The following ZMYM4 variants were observed in gnomAD, a reference collection of about 807,000 sequenced individuals.
The protein encoded by ZMYM4 is zinc finger MYM-type containing 4, also known as zinc finger MYM-type protein 4.
ZMYM4 carries 31 observed loss-of-function variants against 183.2 expected under a neutral mutation model. The ratio of observed to expected loss-of-function variants is 0.17; its 90% CI spans 0.13 to 0.23. The LOEUF is 0.23. ZMYM4 is among the 10% of genes least tolerant of loss of function. The pLI, the probability that ZMYM4 is intolerant of heterozygous loss-of-function variation, is 1.00. For missense variants in ZMYM4, 1,273 were observed against 1,840.3 expected, an observed-to-expected ratio of 0.69 and a Z score of 5.64; for synonymous variants, 592 against 631.2, an observed-to-expected ratio of 0.94 and a Z score of 0.93.
chr1:35,276,058 C>T (rs1469957138), intron 1 of ZMYM4, among the ~76,000 whole-genome samples: 1 of 151,948 alleles, frequency 6.6e-6, no homozygotes, highest in Non-Finnish European at 1.5e-5. Context: ...TTGGTCTATC[C>T]AGCGTATAGA....
intron 13 of ZMYM4, 66 bp from the exon 14 acceptor site, chr1:35,388,844 G>A: frequency 6.7e-7 from 1 of 1,494,924 alleles, no homozygotes; most frequent in Non-Finnish European, 9.3e-7. Context: ...CCTGTCCTAG[G>A]CCATTTAAAG....
intron 1 of ZMYM4, among the ~76,000 whole-genome samples, chr1:35,275,742 T>C (rs1336566535): frequency 3.9e-5 from 6 of 152,196 alleles, no homozygotes; most frequent in Non-Finnish European, 1.5e-5. Flanking sequence ...ATAAATGTAC[T>C]GTATTCAACC....
At chr1:35,399,124 T>G in intron 22 of ZMYM4, 81 bp downstream of exon 22, 1 of 1,359,232 alleles carries the variant, frequency 7.4e-7, no homozygotes. Context: ...TATTAAGCAG[T>G]GCCAATTGTT....
chr1:35,277,697 CTCA>C (rs1639940839), intron 1 of ZMYM4, among the ~76,000 whole-genome samples: 1 of 152,036 alleles, frequency 6.6e-6, no homozygotes, highest in Non-Finnish European at 1.5e-5. Flanking sequence ...AAAGAATTCC[CTCA>C]TCAATTATTT....
chr1:35,393,630 T>C lies in ZMYM4; in HGVS notation c.2802T>C (p.Pro934=), dbSNP rs1644750371. 3 of 1,611,196 alleles carry C rather than the reference T, an allele frequency of 1.9e-6. No homozygotes were observed. Among genetic ancestry groups the C allele is most frequent in the Non-Finnish European group, 2.5e-6 (3 of 1,178,208 alleles). Residue 934 remains proline (P), a synonymous_variant, in exon 18 of 30, where the codon CCT becomes CCC. Transcript: ENST00000314607. ...STQTDALKLP[P]SQPPRLLKNK... Reference sequence around the variant, plus strand: ...AAACAGATGCCCTGAAACTGCCACCTTCCCAACCTCCAAGGCTTTTGAAGA... The same window carrying C: ...AAACAGATGCCCTGAAACTGCCACCCTCCCAACCTCCAAGGCTTTTGAAGA...
intron 26 of ZMYM4, among the ~76,000 whole-genome samples, chr1:35,408,780 A>G (rs1228972835): frequency 6.6e-6 from 1 of 152,216 alleles, no homozygotes; most frequent in Non-Finnish European, 1.5e-5. Context: ...TGTGATTGTT[A>G]TGGGAAAATA....
At chr1:35,301,433 C>A (rs1458288806) in intron 1 of ZMYM4, among the ~76,000 whole-genome samples, 2 of 151,804 alleles carry the variant, frequency 1.3e-5, no homozygotes, top group Non-Finnish European at 2.9e-5. Flanking sequence ...GTAGTCCCAG[C>A]TAGTCAGGAG....
intron 2 of ZMYM4, among the ~76,000 whole-genome samples, chr1:35,335,508 G>A (rs1642935077): frequency 6.6e-6 from 1 of 152,056 alleles, no homozygotes; most frequent in African/African-American, 2.4e-5. Flanking sequence ...GCAAATGCTG[G>A]GATCACGGGT....
At chr1:35,300,729 G>A (rs182675063) in intron 1 of ZMYM4, among the ~76,000 whole-genome samples, 1 of 152,196 alleles carries the variant, frequency 6.6e-6, no homozygotes, top group Non-Finnish European at 1.5e-5. Flanking sequence ...TCATCTCTAA[G>A]TTCAGTTTGG....
chr1:35,319,127 G>A (rs944680859), intron 1 of ZMYM4, among the ~76,000 whole-genome samples: 4 of 152,166 alleles, frequency 2.6e-5, no homozygotes, highest in Admixed American at 6.5e-5. Context: ...TGATCAGCCC[G>A]CCTCGGCCTC....
chr1:35,296,087 T>C (rs1303934407), intron 1 of ZMYM4: 2 of 152,170 alleles, frequency 1.3e-5, no homozygotes, highest in Non-Finnish European at 2.9e-5. Flanking sequence ...GGAGCCCATC[T>C]CAGTGTGGCA....
At chr1:35,401,753 T>C (rs1644913179) in intron 23 of ZMYM4, among the ~76,000 whole-genome samples, 1 of 152,178 alleles carries the variant, frequency 6.6e-6, no homozygotes, top group Admixed American at 6.5e-5. Context: ...AACTTTTATG[T>C]TTGTGATCTA....
At chr1:35,327,416 A>T (rs946222217) in intron 2 of ZMYM4, among the ~76,000 whole-genome samples, 5 of 152,210 alleles carry the variant, frequency 3.3e-5, no homozygotes, top group African/African-American at 4.8e-5. Flanking sequence ...TGAAAGACAA[A>T]TTTTGTCAAC....
At chr1:35,280,134 C>T (rs1054532369) in intron 1 of ZMYM4, among the ~76,000 whole-genome samples, 1 of 149,810 alleles carries the variant, frequency 6.7e-6, no homozygotes, top group African/African-American at 2.5e-5. Flanking sequence ...TTCTTTGTCT[C>T]TCTCTCTCTC....
intron 1 of ZMYM4, among the ~76,000 whole-genome samples, chr1:35,317,518 C>A (rs1218167299): frequency 6.6e-6 from 1 of 152,186 alleles, no homozygotes; most frequent in South Asian, 2.1e-4. Context: ...GTCAATTTGG[C>A]TAGCATTCAG....
intron 12 of ZMYM4, 74 bp downstream of exon 12, chr1:35,387,352 A>G (rs1644599733): frequency 3.2e-6 from 5 of 1,574,008 alleles, no homozygotes; most frequent in Non-Finnish European, 4.3e-6. Context: ...TTAACTTTGC[A>G]TCTCTCAAAA....
At chr1:35,286,103 ATCTC>A (rs1451924040) in intron 1 of ZMYM4, among the ~76,000 whole-genome samples, 2 of 152,182 alleles carry the variant, frequency 1.3e-5, no homozygotes, top group Non-Finnish European at 2.9e-5. Context: ...AAGTAAAACT[ATCTC>A]TATTTAAAGG....
intron 1 of ZMYM4, among the ~76,000 whole-genome samples, chr1:35,276,474 T>G (rs911642611): frequency 6.6e-6 from 1 of 152,134 alleles, no homozygotes; most frequent in African/African-American, 2.4e-5. Flanking sequence ...CTTAATCCAG[T>G]CTGTGTTCAG....
chr1:35,353,875 G>A (rs1643718754), intron 2 of ZMYM4, among the ~76,000 whole-genome samples: 1 of 151,974 alleles, frequency 6.6e-6, no homozygotes, highest in Admixed American at 6.6e-5. Context: ...GAGGCCAGGT[G>A]CAGTGGCTCA....
Sources: gnomAD v4.1 joint callset for allele counts (sites outside exome capture counted in the v4.1 genomes callset) on GRCh38, gnomAD v4.1.1 for gene constraint, MANE v1.5 for transcripts, NCBI Gene and HGNC (gene_info 2026-07-23, HGNC 2026-07-21) for gene names.